AGBL4: variants seen among roughly 807,000 people sequenced by gnomAD.
The protein encoded by AGBL4 is AGBL carboxypeptidase 4.
Under a neutral mutation model 66.4 loss-of-function variants are expected in AGBL4, and 58 were observed. That is an observed-to-expected ratio of 0.87 (90% CI 0.71 to 1.09). The LOEUF is 1.09. Ranked by LOEUF, AGBL4 falls within the 50% of genes least tolerant of loss-of-function variation. The probability of loss-of-function intolerance (pLI) is 0.00; values close to 1 mark genes in which losing one functional copy is unlikely to be tolerated. For synonymous variants in AGBL4, 234 were observed against 222.9 expected (o/e 1.05, Z -0.44); for missense variants, 579 against 631.0 (o/e 0.92, Z 0.88).
intron 5 of AGBL4, among the ~76,000 whole-genome samples, chr1:48,921,685 TC>T (rs961043045): frequency 6.6e-5 from 10 of 152,180 alleles, no homozygotes; most frequent in Non-Finnish European, 2.9e-5. Context: ...TAATATTTAG[TC>T]CCTTAATCTC....
intron 3 of AGBL4, among the ~76,000 whole-genome samples, chr1:49,577,973 C>T (rs889034301): frequency 6.6e-6 from 1 of 152,172 alleles, no homozygotes; most frequent in South Asian, 2.1e-4. Context: ...GCACCACTCA[C>T]CATCACCCCA....
chr1:48,987,555 A>T (rs1660275832), intron 5 of AGBL4, among the ~76,000 whole-genome samples: 2 of 152,164 alleles, frequency 1.3e-5, no homozygotes, highest in South Asian at 4.1e-4. Context: ...CCGTAATTAT[A>T]ATCAGAGATT....
intron 3 of AGBL4, among the ~76,000 whole-genome samples, chr1:49,616,089 A>C (rs1437973132): frequency 6.6e-6 from 1 of 152,130 alleles, no homozygotes; most frequent in Non-Finnish European, 1.5e-5. Context: ...GGTGGGAAGG[A>C]GGAATATATG....
intron 2 of AGBL4, chr1:49,844,592 C>A: frequency 8.1e-7 from 1 of 1,234,306 alleles, no homozygotes; most frequent in Non-Finnish European, 1.1e-6. Context: ...TTGAACATTT[C>A]AAAATCATTA....
chr1:49,820,871 C>G, intron 2 of AGBL4, among the ~76,000 whole-genome samples: 1 of 152,186 alleles, frequency 6.6e-6, no homozygotes, highest in East Asian at 1.9e-4. Context: ...CGCACTTAGT[C>G]AAGTCACAAC....
chr1:49,583,257 T>C (rs1034208605), intron 3 of AGBL4, among the ~76,000 whole-genome samples: 2 of 152,100 alleles, frequency 1.3e-5, no homozygotes, highest in Non-Finnish European at 2.9e-5. Context: ...GGTGAACATA[T>C]CCACATACTA....
chr1:49,571,800 C>T lies in AGBL4; in HGVS notation c.282+125513G>A, dbSNP rs117762518. On this transcript the variant is annotated intron_variant, in intron 3 of 13. Transcript: ENST00000371839. Reference sequence around the variant, plus strand: ...TCATGAAGCATTGCTGAATTTATCACGTTTTTCTGTTTCTATTGAGATGAT... The same window carrying T: ...TCATGAAGCATTGCTGAATTTATCATGTTTTTCTGTTTCTATTGAGATGAT... 5.9e-5 allele frequency among the ~76,000 whole-genome samples: 9 copies of T among 152,120 alleles called. No homozygotes were observed. In the East Asian group the frequency reaches 7.7e-4, roughly 13 times the overall value.
At chr1:49,636,847 C>T (rs1645682754) in intron 3 of AGBL4, among the ~76,000 whole-genome samples, 2 of 152,034 alleles carry the variant, frequency 1.3e-5, no homozygotes, top group Admixed American at 6.6e-5. Flanking sequence ...TGAGTGTCAA[C>T]TTGATTGGAT....
chr1:49,632,877 C>A lies in AGBL4; in HGVS notation c.282+64436G>T, dbSNP rs952735048. Among the ~76,000 whole-genome samples the A allele has an allele frequency of 2.0e-5, 3 of 152,006 alleles. No individual in the cohort carries two copies. In the East Asian group the frequency reaches 5.8e-4, roughly 29 times the overall value. ...GATCACGAGATCAAGAGATAGAGAC[C>A]ATCCTGGCCAACATAGTAAAACCCC... On this transcript the variant is annotated intron_variant, in intron 3 of 13. Transcript: ENST00000371839.
intron 4 of AGBL4, among the ~76,000 whole-genome samples, chr1:49,201,689 T>G (rs2148230830): frequency 6.6e-6 from 1 of 152,326 alleles, no homozygotes; most frequent in Non-Finnish European, 1.5e-5. Flanking sequence ...TCATTACAGC[T>G]TTGTTACCAA....
intron 6 of AGBL4, among the ~76,000 whole-genome samples, chr1:48,848,225 T>A (rs1646962139): frequency 6.6e-6 from 1 of 152,248 alleles, no homozygotes; most frequent in Non-Finnish European, 1.5e-5. Flanking sequence ...ATCATGTCAG[T>A]TTCCTTTCCA....
chr1:49,200,682 C>T (rs1253811661), intron 4 of AGBL4, among the ~76,000 whole-genome samples: 2 of 152,128 alleles, frequency 1.3e-5, no homozygotes, highest in African/African-American at 2.4e-5. Flanking sequence ...ACAAAGGATA[C>T]AGATGAATAG....
At chr1:49,803,005 T>C (rs1202044818) in intron 2 of AGBL4, among the ~76,000 whole-genome samples, 4 of 151,840 alleles carry the variant, frequency 2.6e-5, no homozygotes, top group Non-Finnish European at 5.9e-5. Context: ...AGAACCTTCA[T>C]AAGTTAAATT....
At chr1:48,806,917 T>G (rs927510318) in intron 6 of AGBL4, among the ~76,000 whole-genome samples, 1 of 141,352 alleles carries the variant, frequency 7.1e-6, no homozygotes, top group African/African-American at 2.6e-5. Flanking sequence ...TCAGAAGGTG[T>G]GTATGTGTGC....
Position 48,998,002 on chromosome 1 carries a change from T to C in AGBL4, c.594+47582A>G, listed in dbSNP as rs17105376. Among the ~76,000 whole-genome samples, 728 of 152,336 alleles carry C rather than the reference T, an allele frequency of 4.8e-3. 2 individuals carry two copies. The highest frequency in any genetic ancestry group is 0.017 in the African/African-American group (686 of 41,572). On this transcript the variant is annotated intron_variant, in intron 5 of 13. Coordinates refer to ENST00000371839, the MANE Select transcript of AGBL4 (RefSeq NM_032785.4). Reference sequence around the variant, plus strand: ...TAAGATGATGGTGAATACAACTTCTTTGGGTATTCCAAAAACAGAAAGAAC... The same window carrying C: ...TAAGATGATGGTGAATACAACTTCTCTGGGTATTCCAAAAACAGAAAGAAC...
chr1:49,330,652 T>A (rs750471405), intron 3 of AGBL4, among the ~76,000 whole-genome samples: 1 of 152,148 alleles, frequency 6.6e-6, no homozygotes, highest in African/African-American at 2.4e-5. Flanking sequence ...ATATGAAAAT[T>A]CAAAGGTATC....
At chr1:49,169,374 C>T (rs1331206683) in intron 4 of AGBL4, among the ~76,000 whole-genome samples, 1 of 152,118 alleles carries the variant, frequency 6.6e-6, no homozygotes, top group Non-Finnish European at 1.5e-5. Context: ...TGGATTACAT[C>T]GGTCTATTTC....
chr1:48,965,174 C>T (rs991589126), intron 5 of AGBL4, among the ~76,000 whole-genome samples: 6 of 152,096 alleles, frequency 3.9e-5, no homozygotes, highest in Non-Finnish European at 8.8e-5. Flanking sequence ...AGATGAAAGG[C>T]AGACAGAAAG....
chr1:49,362,084 T>C (rs1352237464), intron 3 of AGBL4, among the ~76,000 whole-genome samples: 2 of 152,202 alleles, frequency 1.3e-5, no homozygotes, highest in Non-Finnish European at 2.9e-5. Flanking sequence ...CCTTGATTTT[T>C]CCCATTTGAC....
Sources: gnomAD v4.1 joint callset for allele counts (sites outside exome capture counted in the v4.1 genomes callset) on GRCh38, gnomAD v4.1.1 for gene constraint, MANE v1.5 for transcripts, NCBI Gene and HGNC (gene_info 2026-07-23, HGNC 2026-07-21) for gene names.